Variants in MYH6 observed in about 807,000 individuals in gnomAD.
MYH6 encodes myosin-6.
MYH6 carries 126 observed loss-of-function variants against 223.2 expected under a neutral mutation model. The ratio of observed to expected loss-of-function variants is 0.56; its 90% confidence interval spans 0.49 to 0.65. The LOEUF is 0.65. MYH6 is among the 30% of genes least tolerant of loss of function. MYH6 has a pLI of 0.00. For synonymous variants in MYH6, 978 were observed against 1,010.2 expected (o/e 0.97, Z 0.61); for missense variants, 2,040 against 2,536.4 (o/e 0.80, Z 4.20).
intron 20 of MYH6, among the ~76,000 whole-genome samples, chr14:23,395,931 G>A (rs899542975): frequency 6.6e-6 from 1 of 152,004 alleles, no homozygotes; most frequent in African/African-American, 2.4e-5. Flanking sequence ...ATTTTTGTCA[G>A]TCTAGTGATT....
intron 29 of MYH6, 133 bp downstream of exon 29, chr14:23,388,726 A>C (rs1891124430): frequency 7.4e-6 from 10 of 1,351,700 alleles, no homozygotes; most frequent in Non-Finnish European, 1.1e-5. Flanking sequence ...CTTTCTTCCA[A>C]GCACTTCTGT....
In MYH6 at chr14:23,389,530, G is replaced by A. The variant is rs1367458647; in HGVS notation, c.3860-19C>T. The A allele has an allele frequency of 6.2e-7, 1 of 1,614,092 alleles. No homozygotes were observed. Among genetic ancestry groups the A allele is most frequent in the Non-Finnish European group, 8.5e-7 (1 of 1,180,036 alleles). On this transcript the variant is annotated intron_variant, in intron 27 of 38. Transcript: ENST00000405093. ...AACTCTCCTGGAGGTGAAATGAGGGGCTTGTGGGCCATTTCACAAGTCATG... is the reference window on the plus strand; with the variant it reads ...AACTCTCCTGGAGGTGAAATGAGGGACTTGTGGGCCATTTCACAAGTCATG...
intron 29 of MYH6, 59 bp downstream of exon 29, chr14:23,388,800 C>A: frequency 6.8e-6 from 11 of 1,613,520 alleles, no homozygotes; most frequent in Non-Finnish European, 9.3e-6. Flanking sequence ...TGTCCCCACC[C>A]CAGGTCCTCT....
At chr14:23,388,790 T>C in intron 29 of MYH6, 69 bp downstream of exon 29, 1 of 1,611,286 alleles carries the variant, frequency 6.2e-7, no homozygotes. Context: ...CCACTTTGCC[T>C]GTCCCCACCC....
At chr14:23,390,876 T>A (rs937686000) in intron 25 of MYH6, among the ~76,000 whole-genome samples, 1 of 152,216 alleles carries the variant, frequency 6.6e-6, no homozygotes, top group Non-Finnish European at 1.5e-5. Context: ...GCTTGTATTT[T>A]ACAAATATTT....
At position 23,390,490 on chromosome 14, in the gene MYH6, C is replaced by T. The variant is rs1362483767; in HGVS notation, c.3343-44G>A. 3.1e-6 allele frequency: 5 copies of T among 1,601,404 alleles called. No homozygotes were observed. In the Admixed American group the frequency reaches 5.1e-5, roughly 16 times the overall value. On this transcript the variant is annotated intron_variant, in intron 25 of 38. Coordinates refer to ENST00000405093, the MANE Select transcript of MYH6 (RefSeq NM_002471.4). ...GCTCAGACCCACCGCCTGGACCCCT[C>T]CACTGGAATCCCCCCGGCTCTGAAA...
chr14:23,383,324 GGGGT>G lies in MYH6; in HGVS notation c.5566-8_5566-5del. ...GGTTCTTTTTGTCTTCCTCTGTCTGGGGGTGGGAGGGTGGGAGAAGCTGGTTTGG... is the reference window on the plus strand; with the variant it reads ...GGTTCTTTTTGTCTTCCTCTGTCTGGGGGAGGGTGGGAGAAGCTGGTTTGG... On this transcript the variant is annotated splice_region_variant and splice_polypyrimidine_tract_variant and intron_variant, in intron 36 of 38. Transcript: ENST00000405093. 6.7e-7 allele frequency: 1 copy of G among 1,485,910 alleles called. No individual in the cohort carries two copies. Among genetic ancestry groups the G allele is most frequent in the African/African-American group, 1.4e-5 (1 of 71,788 alleles). The allele number at this position is 1,485,910 out of a possible 1,614,324, so 92.0% of individuals were successfully genotyped here. A position where few individuals can be genotyped will look rare whatever the true frequency, so the allele number is the denominator to read the frequency against.
In MYH6 at chr14:23,389,668, G is replaced by A. The variant is rs397516763; in HGVS notation, c.3784C>T (p.Arg1262Cys). ...RTLEDQANEYRVKLEEAQRSL... is the reference protein window; with the variant it reads ...RTLEDQANEYCVKLEEAQRSL... Reference sequence around the variant, plus strand: ...CGTTGGGCCTCTTCTAGCTTCACGCGGTACTCATTGGCCTGGTCCTCCAGC... The same window carrying A: ...CGTTGGGCCTCTTCTAGCTTCACGCAGTACTCATTGGCCTGGTCCTCCAGC... The change falls in exon 27 of 39, where the codon CGC becomes TGC. Residue 1262 changes from arginine (R) to cysteine (C), a missense_variant. Coordinates refer to ENST00000405093, the MANE Select transcript of MYH6 (RefSeq NM_002471.4). 68 of 1,614,148 alleles carry A rather than the reference G, an allele frequency of 4.2e-5. 2 individuals carry two copies. The South Asian group carries it at 6.9e-4, about 16-fold the overall frequency.
chr14:23,398,743 C>T lies in MYH6; in HGVS notation c.1876G>A (p.Ala626Thr), dbSNP rs760108411. 11 of 1,614,020 alleles carry T rather than the reference C, an allele frequency of 6.8e-6. No homozygotes were observed. Among genetic ancestry groups the T allele is most frequent in the Admixed American group, 5.0e-5 (3 of 60,010 alleles). ...GCCTGCTTACCAGTATCGGCAGTTG[C>T]GTAGGAGGAGAAGAGAGTGGCCATG... ...KLMATLFSSY[A>T]TADTGDSGKS... The change falls in exon 15 of 39, where the codon GCA becomes ACA. Residue 626 changes from alanine (A) to threonine (T), a missense_variant. Physicochemically the swap from Ala to Thr is moderately conservative, Grantham distance 58. Around this residue, in one of 4 missense-constraint regions of MYH6, gnomAD observed 649 missense variants for 877.3 expected, o/e 0.74. Coordinates refer to ENST00000405093, the MANE Select transcript of MYH6 (RefSeq NM_002471.4).
chr14:23,398,869 C>T lies in MYH6; in HGVS notation c.1750G>A (p.Ala584Thr), dbSNP rs138317414. ...QEAHFSLIHY[A>T]GTVDYNILGW... ...AGGATGTTGTAGTCCACAGTGCCGG[C>T]GTAGTGGATCAGGGAGAAGTGGGCT... is the stretch of plus-strand genomic sequence containing the variant. Residue 584 changes from alanine (A) to threonine (T), a missense_variant, in exon 15 of 39, where the codon GCC becomes ACC. Around this residue, in one of 4 missense-constraint regions of MYH6, gnomAD observed 649 missense variants for 877.3 expected, o/e 0.74. Coordinates refer to ENST00000405093, the MANE Select transcript of MYH6 (RefSeq NM_002471.4). 7 of 1,614,124 alleles carry T rather than the reference C, an allele frequency of 4.3e-6. No individual in the cohort carries two copies. The highest frequency in any genetic ancestry group is 1.6e-4 in the Middle Eastern group (1 of 6,062).
Position 23,390,381 on chromosome 14 carries a change from C to T in MYH6, c.3408G>A (p.Lys1136=), listed in dbSNP as rs28730770. The change falls in exon 26 of 39, where the codon AAG becomes AAA. Residue 1136 remains lysine, a synonymous_variant. Transcript: ENST00000405093. Reference sequence around the variant, plus strand: ...GCTCCCGAGACAGGTCTGAGCGCAGCTTCTCCACCTTAGCCCTGGCGGTGC... The same window carrying T: ...GCTCCCGAGACAGGTCTGAGCGCAGTTTCTCCACCTTAGCCCTGGCGGTGC... ...AERTARAKVE[K]LRSDLSRELE... The T allele has an allele frequency of 2.9e-3, 4,603 of 1,606,144 alleles. 119 individuals are homozygous for T. The African/African-American group carries it at 0.054, about 19-fold the overall frequency.
At chr14:23,383,535 T>C (rs1890925340) in intron 36 of MYH6, among the ~76,000 whole-genome samples, 1 of 152,156 alleles carries the variant, frequency 6.6e-6, no homozygotes, top group Non-Finnish European at 1.5e-5. Flanking sequence ...CAATGAAGGC[T>C]GAAGTCATAA....
Position 23,395,093 on chromosome 14 carries a change from G to A in MYH6, c.2430-770C>T, listed in dbSNP as rs1595057527. Among the ~76,000 whole-genome samples the A allele has an allele frequency of 2.6e-5, 4 of 152,340 alleles. No homozygotes were observed. In the South Asian group the frequency reaches 8.3e-4, roughly 32 times the overall value. ...TTGGCCAGGCTGGTCTCCATCTCCT[G>A]ACCTCAGGTGATCCGCCTGCCTTAG... On this transcript the variant is annotated intron_variant, in intron 20 of 38. Coordinates refer to ENST00000405093, the MANE Select transcript of MYH6 (RefSeq NM_002471.4).
chr14:23,404,733 T>C lies in MYH6; in HGVS notation c.620A>G (p.Lys207Arg). The stretch of plus-strand genomic sequence containing the variant: ...CACCTTGTTCGCATTGGCATTGTCC[T>C]TCTTGCCACGGTCACCTATGGCTGC... ...SIAAIGDRGK[K>R]DNANANKGTL... The change falls in exon 7 of 39, where the codon AAG becomes AGG. Residue 207 changes from lysine to arginine, a missense_variant. Transcript: ENST00000405093. 1 of 1,614,136 alleles carries C rather than the reference T, an allele frequency of 6.2e-7. No individual in the cohort carries two copies.
chr14:23,390,324 G>A lies in MYH6; in HGVS notation c.3465C>T (p.Ala1155=), dbSNP rs749057068. ...LEEISERLEE[A]GGATSVQIEM... ...CGATCTGCACGGACGTGGCCCCGCC[G>A]GCCTCTTCCAGCCGCTCGCTGATCT... The change falls in exon 26 of 39, where the codon GCC becomes GCT. Residue 1155 remains alanine (A), a synonymous_variant. Coordinates refer to ENST00000405093, the MANE Select transcript of MYH6 (RefSeq NM_002471.4). The A allele has an allele frequency of 3.1e-6, 5 of 1,607,144 alleles. No individual in the cohort carries two copies. Among genetic ancestry groups the A allele is most frequent in the South Asian group, 1.1e-5 (1 of 90,850 alleles).
chr14:23,386,443 T>C lies in MYH6; in HGVS notation c.4831A>G (p.Asn1611Asp). 6.2e-7 allele frequency: 1 copy of C among 1,614,230 alleles called. No individual in the cohort carries two copies. The highest frequency in any genetic ancestry group is 2.2e-5 in the East Asian group (1 of 44,876). ...TTCTTCTTCACCCTCAGGACCTCGT[T>C]GCGGCTGCGTGTCTCTGCATCCAGG... is the stretch of plus-strand genomic sequence containing the variant. ...TSLDAETRSR[N>D]EVLRVKKKME... The change falls in exon 33 of 39, where the codon AAC (asparagine) becomes GAC (aspartate). Residue 1611 changes from asparagine (N) to aspartate (D), a missense_variant. Physicochemically the swap from Asn to Asp is conservative, Grantham distance 23. This residue lies in a region of MYH6 where 1,203 missense variants were observed against 1,400.2 expected (regional missense o/e 0.86). Transcript: ENST00000405093.
intron 25 of MYH6, among the ~76,000 whole-genome samples, chr14:23,391,539 C>T (rs1172646388): frequency 6.6e-6 from 1 of 152,208 alleles, no homozygotes; most frequent in African/African-American, 2.4e-5. Flanking sequence ...CCTGTGCAGC[C>T]CCAGAGGAGT....
At chr14:23,395,949 CTT>C in intron 20 of MYH6, among the ~76,000 whole-genome samples, 2 of 152,228 alleles carry the variant, frequency 1.3e-5, no homozygotes, top group East Asian at 3.9e-4. Context: ...ATTTTTAAAA[CTT>C]TTAAAAATTA....
intron 36 of MYH6, 127 bp downstream of exon 36, chr14:23,384,315 G>T: frequency 6.9e-7 from 1 of 1,439,016 alleles, no homozygotes; most frequent in Non-Finnish European, 9.6e-7. Flanking sequence ...ACTGCAGAGC[G>T]TGAGAAGAAC....
Sources: gnomAD v4.1 joint callset for allele counts (sites outside exome capture counted in the v4.1 genomes callset) on GRCh38, gnomAD v4.1.1 for gene constraint, gnomAD v4.1.1 regional missense constraint, MANE v1.5 for transcripts, NCBI Gene and HGNC (gene_info 2026-07-23, HGNC 2026-07-21) for gene names.